Variants in RSRP1 observed in about 807,000 individuals in gnomAD.
The protein encoded by RSRP1 is arginine and serine rich protein 1, also known as arginine/serine-rich protein 1.
Under a neutral mutation model 33.0 loss-of-function variants are expected in RSRP1, and 37 were observed. That is an observed-to-expected ratio of 1.12 (90% CI 0.86 to 1.48). RSRP1 has a LOEUF of 1.48. RSRP1 is among the 40% of genes most tolerant of loss of function. RSRP1 has a pLI of 0.00. For missense variants in RSRP1, 402 were observed against 385.3 expected, an observed-to-expected ratio of 1.04 and a Z score of -0.36; for synonymous variants, 167 against 158.7, an observed-to-expected ratio of 1.05 and a Z score of -0.40.
At chr1:25,330,516 T>TTAAACTATAAGCTA (rs1553150033) in intron 1 of RSRP1, 1 of 133,250 alleles carries the variant, frequency 7.5e-6, no homozygotes, top group African/African-American at 2.6e-5. Context: ...TCTAGGACTT[T>TTAAACTATAAGCTA]TAAACTATAA....
At chr1:25,268,948 C>CA (rs59919895) in intron 1 of RSRP1, among the ~76,000 whole-genome samples, 1,025 of 72,568 alleles carry the variant, frequency 0.014, 100 homozygotes, top group African/African-American at 0.038. Context: ...AACTTCATCT[C>CA]AAAAAAAAAA....
intron 1 of RSRP1, among the ~76,000 whole-genome samples, chr1:25,297,150 C>A (rs1345330931): frequency 2.9e-5 from 3 of 102,142 alleles, no homozygotes; most frequent in South Asian, 6.1e-4. Context: ...GCAGTTTCTT[C>A]ATCTTTCTTT....
rs552604781 is a variant in RSRP1 at position 25,311,567 on chromosome 1, A to T, written c.-67+26411T>A. 2.4e-3 allele frequency among the ~76,000 whole-genome samples: 309 copies of T among 130,808 alleles called. 33 individuals carry two copies. Among genetic ancestry groups the T allele is most frequent in the African/African-American group, 7.8e-3 (298 of 38,426 alleles). 85.8% of individuals were successfully genotyped at this position (130,808 alleles called of 152,430 possible). On this transcript the variant is annotated intron_variant, in intron 1 of 1. Coordinates refer to the RSRP1 transcript ENST00000561867. ...GAAGAAAGAAAATTAGTACACATAGAACAAAGCCAGAGGCTGTTCATCAGG... is the reference window on the plus strand; with the variant it reads ...GAAGAAAGAAAATTAGTACACATAGTACAAAGCCAGAGGCTGTTCATCAGG...
At position 25,275,549 on chromosome 1, in the gene RSRP1, G is replaced by C. The variant is rs371409993; in HGVS notation, c.-66-28520C>G. Among the ~76,000 whole-genome samples, 3 of 131,608 alleles carry C rather than the reference G, an allele frequency of 2.3e-5. 1 individual carries two copies. The highest frequency in any genetic ancestry group is 7.8e-5 in the African/African-American group (3 of 38,548). 86.3% of individuals were successfully genotyped at this position (131,608 alleles called of 152,430 possible). Reference sequence around the variant, plus strand: ...TTCAACATTCTGATGGTGTACACACGATTTTTTGAGCATGTACCATGGTTA... The same window carrying C: ...TTCAACATTCTGATGGTGTACACACCATTTTTTGAGCATGTACCATGGTTA... On this transcript the variant is annotated intron_variant, in intron 1 of 1. Coordinates refer to the RSRP1 transcript ENST00000561867.
chr1:25,308,021 A>G lies in RSRP1; in HGVS notation c.-67+29957T>C, dbSNP rs1443563833. Among the ~76,000 whole-genome samples, 2 of 51,978 alleles carry G rather than the reference A, an allele frequency of 3.8e-5. 1 individual carries two copies. Among genetic ancestry groups the G allele is most frequent in the Non-Finnish European group, 1.1e-4 (2 of 18,392 alleles). 34.1% of individuals were successfully genotyped at this position (51,978 alleles called of 152,430 possible). ...TCCTACTCACATGCCTGTAGAGAAC[A>G]GGCAGGGGAAGTTAGAAAAAAAAAA... is the stretch of plus-strand genomic sequence containing the variant. On this transcript the variant is annotated intron_variant, in intron 1 of 1. Transcript: ENST00000561867.
chr1:25,284,820 G>C lies in RSRP1; in HGVS notation c.-66-37791C>G, dbSNP rs1267430663. The C allele has an allele frequency of 4.5e-6, 6 of 1,318,836 alleles. 1 individual carries two copies. The highest frequency in any genetic ancestry group is 5.4e-6 in the Non-Finnish European group (5 of 927,094). 81.7% of individuals were successfully genotyped at this position (1,318,836 alleles called of 1,614,324 possible). ...AGAGGGAATGGACCCCGAAAGGACA[G>C]GTTCCAGAAGATCTGGGATATTGCC... On this transcript the variant is annotated intron_variant, in intron 1 of 1. Coordinates refer to the RSRP1 transcript ENST00000561867.
intron 1 of RSRP1, among the ~76,000 whole-genome samples, chr1:25,259,860 C>T (rs1282889420): frequency 2.0e-5 from 3 of 152,030 alleles, no homozygotes; most frequent in Non-Finnish European, 4.4e-5. Flanking sequence ...GCTTTGTGAA[C>T]GTGGCAGTGC....
chr1:25,302,192 G>C (rs1434375710), intron 1 of RSRP1, among the ~76,000 whole-genome samples: 1 of 131,444 alleles, frequency 7.6e-6, no homozygotes, highest in African/African-American at 2.6e-5. Context: ...CATGTAAAGT[G>C]CTTAACGGGG....
chr1:25,255,133 G>C (rs969007094), intron 1 of RSRP1, among the ~76,000 whole-genome samples: 2 of 152,100 alleles, frequency 1.3e-5, no homozygotes, highest in East Asian at 1.9e-4. Context: ...ATTTAACTTC[G>C]GTGATGGCAC....
Position 25,246,992 on chromosome 1 carries a change from C to T in RSRP1, c.-29G>A, listed in dbSNP as rs755558847. ...CACCTGCGGCTTTAGCCTGCGCTTT[C>T]TCCGGAAAGGATCCCGCAAGCCTCA... is the stretch of plus-strand genomic sequence containing the variant. On this transcript the variant is annotated 5_prime_UTR_variant, in exon 2 of 5. Coordinates refer to ENST00000243189, the MANE Select transcript of RSRP1 (RefSeq NM_020317.5). 2.0e-6 allele frequency: 3 copies of T among 1,526,132 alleles called. No individual in the cohort carries two copies. In the African/African-American group the frequency reaches 4.2e-5, roughly 21 times the overall value. The allele number at this position is 1,526,132 out of a possible 1,614,324, so 94.5% of individuals were successfully genotyped here.
At chr1:25,273,302 A>AAT (rs1553137277) in intron 1 of RSRP1, among the ~76,000 whole-genome samples, 8 of 97,762 alleles carry the variant, frequency 8.2e-5, no homozygotes, top group African/African-American at 2.2e-4. Flanking sequence ...TGCCTGGCTA[A>AAT]TTTTTTTTTT....
Position 25,272,567 on chromosome 1 carries a change from G to A in RSRP1, c.-66-25538C>T, listed in dbSNP as rs777840871. The A allele has an allele frequency of 2.0e-5, 31 of 1,582,650 alleles. 1 individual carries two copies. The highest frequency in any genetic ancestry group is 1.9e-4 in the Admixed American group (11 of 58,456). On this transcript the variant is annotated intron_variant, in intron 1 of 1. Transcript: ENST00000561867. ...CACAGGATGAGCTCTAAGTACCCGCGGTCTGTCCGGCGCTGCCTGCCCCTC... is the reference window on the plus strand; with the variant it reads ...CACAGGATGAGCTCTAAGTACCCGCAGTCTGTCCGGCGCTGCCTGCCCCTC...
intron 1 of RSRP1, among the ~76,000 whole-genome samples, chr1:25,254,894 T>C (rs568858249): frequency 1.3e-5 from 2 of 152,312 alleles, no homozygotes; most frequent in South Asian, 4.1e-4. Context: ...GAAGAACCGA[T>C]TGGTGCCTCT....
chr1:25,256,502 G>A (rs2124557674), intron 1 of RSRP1, among the ~76,000 whole-genome samples: 1 of 152,232 alleles, frequency 6.6e-6, no homozygotes, highest in Non-Finnish European at 1.5e-5. Context: ...AGTCACCCAG[G>A]ATGGAGTGCA....
chr1:25,331,026 C>T (rs1644995343), intron 1 of RSRP1, among the ~76,000 whole-genome samples: 1 of 103,194 alleles, frequency 9.7e-6, no homozygotes, highest in South Asian at 3.0e-4. Flanking sequence ...TGCAGTGGCC[C>T]GATGGATCTC....
chr1:25,310,163 T>G (rs1644064446), intron 1 of RSRP1, among the ~76,000 whole-genome samples: 1 of 132,712 alleles, frequency 7.5e-6, no homozygotes, highest in South Asian at 2.3e-4. Flanking sequence ...GTTTTGTCTG[T>G]TTTTGTACAT....
intron 1 of RSRP1, among the ~76,000 whole-genome samples, chr1:25,303,166 A>C (rs1364718671): frequency 7.6e-6 from 1 of 131,690 alleles, no homozygotes; most frequent in Non-Finnish European, 1.8e-5. Context: ...CTGATGAAGG[A>C]CACGTAGCCC....
At chr1:25,254,648 C>T (rs1441805907) in intron 1 of RSRP1, among the ~76,000 whole-genome samples, 3 of 152,072 alleles carry the variant, frequency 2.0e-5, no homozygotes, top group African/African-American at 7.2e-5. Flanking sequence ...GTTGACCAGG[C>T]TGGTCTCGAA....
upstream of RSRP1, among the ~76,000 whole-genome samples, chr1:25,249,774 T>C (rs1639718970): frequency 6.6e-6 from 1 of 152,242 alleles, no homozygotes; most frequent in African/African-American, 2.4e-5. Context: ...CCTTCCTTTA[T>C]TTCTCTAAAC....
Sources: gnomAD v4.1 joint callset for allele counts (sites outside exome capture counted in the v4.1 genomes callset) on GRCh38, gnomAD v4.1.1 for gene constraint, MANE v1.5 for transcripts, NCBI Gene and HGNC (gene_info 2026-07-23, HGNC 2026-07-21) for gene names.